The following LPP variants were observed in gnomAD, a reference collection of about 807,000 sequenced individuals.
The protein encoded by LPP is lipoma-preferred partner.
A neutral mutation model predicts 60.4 loss-of-function variants in LPP; 38 were observed. That is an observed-to-expected ratio of 0.63 (90% CI 0.49 to 0.83). The LOEUF is 0.83. Ranked by LOEUF, LPP falls within the 40% of genes least tolerant of loss-of-function variation. LPP has a pLI of 0.00. For synonymous variants in LPP, 328 were observed against 290.8 expected (o/e 1.13, Z -1.30); for missense variants, 902 against 783.6 (o/e 1.15, Z -1.80).
intron 5 of LPP, among the ~76,000 whole-genome samples, chr3:188,493,284 A>G (rs1808936016): frequency 6.6e-6 from 1 of 152,176 alleles, no homozygotes. Flanking sequence ...AGTGCAGCAG[A>G]TGAGAAATCT....
At chr3:188,456,134 T>G (rs918460423) in intron 4 of LPP, among the ~76,000 whole-genome samples, 2 of 152,196 alleles carry the variant, frequency 1.3e-5, no homozygotes, top group African/African-American at 4.8e-5. Flanking sequence ...TTCTTTGCTT[T>G]CGCCTCCCCA....
chr3:188,506,907 C>G (rs989149694), intron 5 of LPP, among the ~76,000 whole-genome samples: 2 of 152,128 alleles, frequency 1.3e-5, no homozygotes, highest in Non-Finnish European at 2.9e-5. Flanking sequence ...ACGCCATTCT[C>G]CTGCCTCAGC....
intron 8 of LPP, among the ~76,000 whole-genome samples, chr3:188,732,253 A>G (rs113273671): frequency 0.013 from 1,998 of 152,322 alleles, 44 homozygotes; most frequent in African/African-American, 0.045. Flanking sequence ...ATCTGACGCA[A>G]TGAGAACCAG....
intron 6 of LPP, among the ~76,000 whole-genome samples, chr3:188,564,479 A>T (rs1831608837): frequency 6.6e-6 from 1 of 151,932 alleles, no homozygotes; most frequent in African/African-American, 2.4e-5. Flanking sequence ...TCCTTCTGTT[A>T]ATAGATTTAG....
chr3:188,702,115 C>T (rs564781595), intron 7 of LPP, among the ~76,000 whole-genome samples: 2 of 151,676 alleles, frequency 1.3e-5, no homozygotes, highest in Non-Finnish European at 2.9e-5. Context: ...CGCCACCATG[C>T]CCGGCTAATT....
At chr3:188,562,642 C>T (rs1447366882) in intron 6 of LPP, among the ~76,000 whole-genome samples, 3 of 151,980 alleles carry the variant, frequency 2.0e-5, no homozygotes, top group Non-Finnish European at 4.4e-5. Flanking sequence ...TAACGTGCGG[C>T]ACTTCTGAAT....
At chr3:188,646,760 C>G (rs13058978) in intron 7 of LPP, among the ~76,000 whole-genome samples, 1 of 152,190 alleles carries the variant, frequency 6.6e-6, no homozygotes, top group Non-Finnish European at 1.5e-5. Context: ...CAAAAAGTTT[C>G]TCAGCTAGGA....
At chr3:188,483,841 A>G (rs1805512598) in intron 4 of LPP, among the ~76,000 whole-genome samples, 1 of 152,158 alleles carries the variant, frequency 6.6e-6, no homozygotes, top group African/African-American at 2.4e-5. Flanking sequence ...TCTTTAGTAA[A>G]TCGTATTGTA....
chr3:188,485,166 C>T (rs2149678637), intron 5 of LPP, among the ~76,000 whole-genome samples: 1 of 152,280 alleles, frequency 6.6e-6, no homozygotes, highest in East Asian at 1.9e-4. Flanking sequence ...AAAGCAACAT[C>T]AAATATCCTT....
intron 6 of LPP, among the ~76,000 whole-genome samples, chr3:188,526,685 G>A (rs1482111882): frequency 1.3e-5 from 2 of 152,158 alleles, no homozygotes; most frequent in Non-Finnish European, 2.9e-5. Context: ...CTACCACTTA[G>A]CTCTTCCTCA....
chr3:188,690,504 G>A (rs528308736), intron 7 of LPP, among the ~76,000 whole-genome samples: 31 of 152,236 alleles, frequency 2.0e-4, no homozygotes, highest in African/African-American at 6.7e-4. Flanking sequence ...AAAACATTCT[G>A]TGTTCCTTTA....
intron 6 of LPP, chr3:188,562,269 G>A (rs917141157): frequency 6.6e-6 from 1 of 151,978 alleles, no homozygotes; most frequent in Non-Finnish European, 1.5e-5. Flanking sequence ...ATTCATACAA[G>A]GATCATTTTC....
chr3:188,846,969 A>G (rs528163665), intron 9 of LPP, among the ~76,000 whole-genome samples: 1 of 152,338 alleles, frequency 6.6e-6, no homozygotes, highest in Non-Finnish European at 1.5e-5. Flanking sequence ...GGCCACACAC[A>G]TCTGCCCTGA....
chr3:188,388,334 T>C (rs1055751530), intron 3 of LPP, among the ~76,000 whole-genome samples: 2 of 152,232 alleles, frequency 1.3e-5, no homozygotes, highest in African/African-American at 4.8e-5. Context: ...TCAGGTCAAT[T>C]ATTCTTGAAT....
intron 8 of LPP, among the ~76,000 whole-genome samples, chr3:188,753,816 A>G (rs1729053688): frequency 6.6e-6 from 1 of 151,940 alleles, no homozygotes; most frequent in African/African-American, 2.4e-5. Flanking sequence ...GGGAAAAACA[A>G]GAGAGAGGGA....
At chr3:188,775,366 A>G (rs1267613367) in intron 9 of LPP, among the ~76,000 whole-genome samples, 1 of 152,156 alleles carries the variant, frequency 6.6e-6, no homozygotes, top group African/African-American at 2.4e-5. Context: ...TTAGTTATTT[A>G]ACAGAGGTTT....
intron 7 of LPP, among the ~76,000 whole-genome samples, chr3:188,656,824 C>T (rs1346136255): frequency 6.6e-6 from 1 of 152,170 alleles, no homozygotes. Flanking sequence ...CCACTGAGGG[C>T]TGCCCAATAG....
intron 2 of LPP, among the ~76,000 whole-genome samples, chr3:188,290,300 T>C (rs960196590): frequency 1.3e-5 from 2 of 152,086 alleles, no homozygotes; most frequent in African/African-American, 2.4e-5. Context: ...GTGTACTGTT[T>C]AGGGACAGAT....
At chr3:188,187,379 G>C (rs1410330975) in intron 1 of LPP, among the ~76,000 whole-genome samples, 1 of 152,018 alleles carries the variant, frequency 6.6e-6, no homozygotes, top group Non-Finnish European at 1.5e-5. Flanking sequence ...AAATCTAATA[G>C]ATGATTGTAA....
Sources: gnomAD v4.1 joint callset for allele counts (sites outside exome capture counted in the v4.1 genomes callset) on GRCh38, gnomAD v4.1.1 for gene constraint, MANE v1.5 for transcripts, NCBI Gene and HGNC (gene_info 2026-07-23, HGNC 2026-07-21) for gene names.